The following LHX9 variants were observed in gnomAD, a reference collection of about 807,000 sequenced individuals.
The protein encoded by LHX9 is LIM/homeobox protein Lhx9.
LHX9 carries 9 observed loss-of-function variants against 36.5 expected under a neutral mutation model. That is an observed-to-expected ratio of 0.25 (90% CI 0.15 to 0.43). LHX9 has a LOEUF of 0.43. Ranked by LOEUF, LHX9 falls within the 20% of genes least tolerant of loss-of-function variation. The pLI is 1.00. For synonymous variants in LHX9, 211 were observed against 212.1 expected (o/e 0.99, Z 0.04); for missense variants, 464 against 526.4 (o/e 0.88, Z 1.16).
At chr1:197,919,754 A>G (rs910184218) in intron 1 of LHX9, among the ~76,000 whole-genome samples, 2 of 152,260 alleles carry the variant, frequency 1.3e-5, no homozygotes, top group African/African-American at 4.8e-5. Flanking sequence ...TAGTCCCGGG[A>G]GGACGCGAAC....
chr1:197,921,549 G>A lies in LHX9; in HGVS notation c.623G>A (p.Ser208Asn), dbSNP rs1282485317. ...QLSYTELAAK[S>N]GGLALPYFNG... is the part of the protein sequence containing the mutation. ...AGCTACACGGAGCTGGCGGCCAAGA[G>A]CGGCGGCCTGGCCCTGCCTTACTTC... The change falls in exon 3 of 5, where the codon AGC becomes AAC. Residue 208 changes from serine (S) to asparagine (N), a missense_variant. By Grantham distance (46) the Ser-to-Asn change is conservative. Coordinates refer to ENST00000367387, the MANE Select transcript of LHX9 (RefSeq NM_020204.3). The surrounding 1 kb of genome is among the most constrained non-coding windows in gnomAD (Gnocchi z 4.6). 6.2e-7 allele frequency: 1 copy of A among 1,613,664 alleles called. No individual in the cohort carries two copies. Among genetic ancestry groups the A allele is most frequent in the South Asian group, 1.1e-5 (1 of 91,076 alleles).
In LHX9 at chr1:197,917,915, A is replaced by G. The variant is rs1316437482; in HGVS notation, c.92A>G (p.Gln31Arg). The G allele has an allele frequency of 3.7e-6, 6 of 1,614,158 alleles. No individual in the cohort carries two copies. The highest frequency in any genetic ancestry group is 5.1e-6 in the Non-Finnish European group (6 of 1,180,030). The change falls in exon 1 of 5, where the codon CAA becomes CGA. Residue 31 changes from glutamine (Q) to arginine (R), a missense_variant. By Grantham distance (43) the Gln-to-Arg change is conservative. Around this residue, in one of 5 missense-constraint regions of LHX9, gnomAD observed 119 missense variants for 102.4 expected, o/e 1.16. Transcript: ENST00000367387. ...LFHGISGGHI[Q>R]GIMEEMERRS... is the part of the protein sequence containing the mutation. Reference sequence around the variant, plus strand: ...CACGGGATCTCCGGAGGCCACATCCAAGGCATCATGGAGGAGATGGAGCGC... The same window carrying G: ...CACGGGATCTCCGGAGGCCACATCCGAGGCATCATGGAGGAGATGGAGCGC...
rs78492950 is a variant in LHX9, at chr1:197,919,893, G to T, written c.175-79G>T. The T allele has an allele frequency of 5.4e-4, 787 of 1,465,408 alleles. 8 individuals carry two copies. The East Asian group carries it at 0.017, about 32-fold the overall frequency. 90.8% of individuals were successfully genotyped at this position (1,465,408 alleles called of 1,614,324 possible). The stretch of plus-strand genomic sequence containing the variant: ...CGCTCTCCCTGCACACCCTGGGCTT[G>T]GTCTGCCTGGGGGAGAACCCCGCGT... On this transcript the variant is annotated intron_variant, in intron 1 of 4. Transcript: ENST00000367387.
intron 3 of LHX9, among the ~76,000 whole-genome samples, chr1:197,922,198 G>T (rs902099069): frequency 4.4e-4 from 67 of 152,180 alleles, no homozygotes; most frequent in Non-Finnish European, 4.4e-5. Context: ...GCAGTTGTAG[G>T]GGTGGGAATC....
chr1:197,927,124 C>T (rs915222968), intron 3 of LHX9, among the ~76,000 whole-genome samples: 14 of 152,198 alleles, frequency 9.2e-5, no homozygotes, highest in African/African-American at 2.7e-4. Context: ...TGTTTCTCTA[C>T]GTCTCATGAC....
intron 1 of LHX9, 59 bp from the exon 2 acceptor site, chr1:197,919,913 C>A: frequency 1.9e-6 from 3 of 1,575,156 alleles, no homozygotes; most frequent in South Asian, 1.2e-5. Context: ...GGGGAGAACC[C>A]CGCGTCGTGC....
chr1:197,925,377 G>A (rs941740184), intron 3 of LHX9, among the ~76,000 whole-genome samples: 1 of 152,184 alleles, frequency 6.6e-6, no homozygotes, highest in Non-Finnish European at 1.5e-5. Flanking sequence ...GTGGGGGAAA[G>A]ATGGCCAAGG....
At chr1:197,918,332 G>T (rs949880091) in intron 1 of LHX9, 6 of 717,366 alleles carry the variant, frequency 8.4e-6, no homozygotes, top group Non-Finnish European at 1.6e-5. Flanking sequence ...CCCCGGCGAG[G>T]ATCCGCAGCT....
rs538064670 is a variant in LHX9 at position 197,925,584 on chromosome 1, A to T, written c.734-2007A>T. ...TATGAAATATGGCTGAGTTTACTGG[A>T]GATAAGTATAGTTTTATAGTAGGTC... On this transcript the variant is annotated intron_variant, in intron 3 of 4. Coordinates refer to ENST00000367387, the MANE Select transcript of LHX9 (RefSeq NM_020204.3). Among the ~76,000 whole-genome samples the T allele has an allele frequency of 3.3e-5, 5 of 152,252 alleles. No homozygotes were observed. In the East Asian group the frequency reaches 9.6e-4, roughly 29 times the overall value.
In LHX9 at chr1:197,931,586, C is replaced by A; in HGVS notation, c.*2327C>A. On this transcript the variant is annotated 3_prime_UTR_variant, in exon 5 of 5. Coordinates refer to ENST00000367387, the MANE Select transcript of LHX9 (RefSeq NM_020204.3). ...TACAACATTGTTAGAAATATTTAAA[C>A]ATACAAATAGTTTTTAGACTTCCAA... 4.8e-6 allele frequency: 1 copy of A among 210,486 alleles called. No homozygotes were observed. 13.0% of individuals were successfully genotyped at this position (210,486 alleles called of 1,614,324 possible). A position where few individuals can be genotyped will look rare whatever the true frequency, so the allele number is the denominator to read the frequency against.
At chr1:197,919,060 G>T (rs1198804352) in intron 1 of LHX9, among the ~76,000 whole-genome samples, 1 of 152,238 alleles carries the variant, frequency 6.6e-6, no homozygotes, top group Non-Finnish European at 1.5e-5. Flanking sequence ...TCGTGGGGAA[G>T]ATCAACCCAT....
Position 197,921,395 on chromosome 1 carries a change from A to T in LHX9, c.469A>T (p.Ser157Cys). The T allele has an allele frequency of 1.2e-6, 2 of 1,614,046 alleles. No homozygotes were observed. Among genetic ancestry groups the T allele is most frequent in the Non-Finnish European group, 1.7e-6 (2 of 1,180,028 alleles). The change falls in exon 3 of 5, where the codon AGC becomes TGC. Residue 157 changes from serine (S) to cysteine (C), a missense_variant. Transcript: ENST00000367387. The surrounding 1 kb of genome is among the most constrained non-coding windows in gnomAD (Gnocchi z 4.6). ...MRARDSVYHL[S>C]CFTCSTCNKT... is the part of the protein sequence containing the mutation. ...CGCCCGAGACTCTGTCTACCACCTGAGCTGCTTCACCTGCTCCACTTGCAA... is the reference window on the plus strand; with the variant it reads ...CGCCCGAGACTCTGTCTACCACCTGTGCTGCTTCACCTGCTCCACTTGCAA...
intron 3 of LHX9, among the ~76,000 whole-genome samples, chr1:197,923,475 C>T (rs886514375): frequency 2.0e-5 from 3 of 147,884 alleles, no homozygotes; most frequent in African/African-American, 5.0e-5. Context: ...TCTCAAGCCA[C>T]TCACCAAGGC....
rs1236336057 is a variant in LHX9 at position 197,930,582 on chromosome 1, A to T, written c.*1323A>T. The T allele has an allele frequency of 2.0e-5, 3 of 152,054 alleles. No individual in the cohort carries two copies. The highest frequency in any genetic ancestry group is 4.4e-5 in the Non-Finnish European group (3 of 67,900). 9.4% of individuals were successfully genotyped at this position (152,054 alleles called of 1,614,324 possible). On this transcript the variant is annotated 3_prime_UTR_variant, in exon 5 of 5. Coordinates refer to ENST00000367387, the MANE Select transcript of LHX9 (RefSeq NM_020204.3). ...TGGATTGTTAAGAATAACTTTGCAC[A>T]TATTTTCCACTTTTTGGACCCCTTA...
intron 2 of LHX9, 47 bp downstream of exon 2, chr1:197,920,221 G>C (rs1457620176): frequency 6.3e-7 from 1 of 1,577,156 alleles, no homozygotes; most frequent in African/African-American, 1.3e-5. Context: ...CACCTGGAGG[G>C]GCCATCTGCC....
At position 197,921,051 on chromosome 1, in the gene LHX9, T is replaced by C. The variant is rs1659970056; in HGVS notation, c.378-253T>C. On this transcript the variant is annotated intron_variant, in intron 2 of 4. Transcript: ENST00000367387. This position sits in a 1 kb window ranked among gnomAD's most constrained non-coding sequence, Gnocchi z 4.6. ...GCTTTTTTAAATTTTTTTTAATGTT[T>C]TAAATTTTCACTTTGCAGAGAAGAA... Among the ~76,000 whole-genome samples, 1 of 152,204 alleles carries C rather than the reference T, an allele frequency of 6.6e-6. No homozygotes were observed. Among genetic ancestry groups the C allele is most frequent in the Non-Finnish European group, 1.5e-5 (1 of 68,036 alleles).
At chr1:197,923,485 C>T (rs1005071343) in intron 3 of LHX9, among the ~76,000 whole-genome samples, 3 of 120,140 alleles carry the variant, frequency 2.5e-5, no homozygotes, top group Non-Finnish European at 3.5e-5. Flanking sequence ...CTCACCAAGG[C>T]CCTAATTCCC....
At chr1:197,920,245 C>G in intron 2 of LHX9, 71 bp downstream of exon 2, 1 of 1,431,528 alleles carries the variant, frequency 7.0e-7, no homozygotes, top group Non-Finnish European at 9.8e-7. Flanking sequence ...GCCCGGAATC[C>G]CCTCTCCGTC....
Position 197,921,387 on chromosome 1 carries a change from A to G in LHX9, c.461A>G (p.Tyr154Cys). 3.7e-6 allele frequency: 6 copies of G among 1,614,024 alleles called. No homozygotes were observed. The highest frequency in any genetic ancestry group is 5.1e-6 in the Non-Finnish European group (6 of 1,180,020). ...GTCATGCGCGCCCGAGACTCTGTCT[A>G]CCACCTGAGCTGCTTCACCTGCTCC... ...EMVMRARDSV[Y>C]HLSCFTCSTC... Residue 154 changes from tyrosine (Y) to cysteine (C), a missense_variant, in exon 3 of 5, where the codon TAC (tyrosine) becomes TGC (cysteine). Transcript: ENST00000367387. This position sits in a 1 kb window ranked among gnomAD's most constrained non-coding sequence, Gnocchi z 4.6.
Sources: gnomAD v4.1 joint callset for allele counts (sites outside exome capture counted in the v4.1 genomes callset) on GRCh38, gnomAD v4.1.1 for gene constraint, gnomAD v4.1.1 regional missense constraint, Gnocchi (gnomAD v3.1) non-coding constraint, MANE v1.5 for transcripts, NCBI Gene and HGNC (gene_info 2026-07-23, HGNC 2026-07-21) for gene names.